NOX3: variants seen among roughly 807,000 people sequenced by gnomAD.
NOX3 encodes NADPH oxidase catalytic subunit-like 3.
Under a neutral mutation model 76.7 loss-of-function variants are expected in NOX3, and 74 were observed. The ratio of observed to expected loss-of-function variants is 0.96; its 90% confidence interval spans 0.80 to 1.17. The LOEUF (loss-of-function observed/expected upper bound fraction) is 1.17. Among genes scored for constraint, NOX3 ranks in the 50% most tolerant of loss-of-function variants. NOX3 has a pLI of 0.00. For missense variants in NOX3, 695 were observed against 703.3 expected, an observed-to-expected ratio of 0.99 and a Z score of 0.13; for synonymous variants, 263 against 261.1, an observed-to-expected ratio of 1.01 and a Z score of -0.07.
intron 11 of NOX3, among the ~76,000 whole-genome samples, chr6:155,409,386 C>A (rs571740298): frequency 8.5e-5 from 13 of 152,240 alleles, no homozygotes; most frequent in Admixed American, 7.8e-4. Flanking sequence ...GGGAGTCAGG[C>A]TGGGAAGGGT....
chr6:155,438,110 G>C (rs1215191716), intron 6 of NOX3, among the ~76,000 whole-genome samples: 20 of 151,950 alleles, frequency 1.3e-4, no homozygotes. Context: ...TATGTTTAGG[G>C]GGGTAAGCAC....
chr6:155,420,052 C>A (rs2114687681), intron 10 of NOX3, among the ~76,000 whole-genome samples: 1 of 151,750 alleles, frequency 6.6e-6, no homozygotes. Context: ...ATGAAGATAT[C>A]CAGAGAAGCT....
intron 5 of NOX3, among the ~76,000 whole-genome samples, chr6:155,441,172 A>G (rs957945481): frequency 6.6e-6 from 1 of 152,190 alleles, no homozygotes. Flanking sequence ...AGTCATTAGT[A>G]TTCATACATT....
intron 7 of NOX3, among the ~76,000 whole-genome samples, chr6:155,433,296 G>A (rs1203856345): frequency 6.6e-6 from 1 of 152,210 alleles, no homozygotes; most frequent in Non-Finnish European, 1.5e-5. Context: ...GGAAGTCAGG[G>A]CCTGAGGGAG....
rs76626688 is a variant in NOX3 at position 155,441,133 on chromosome 6, T to C, written c.487-996A>G. On this transcript the variant is annotated intron_variant, in intron 5 of 13. Coordinates refer to ENST00000159060, the MANE Select transcript of NOX3 (RefSeq NM_015718.3). ...GAATAGCATCACACAGCAGTTTATT[T>C]TCATTGTGAGTTTCCCATGTTCTTG... Among the ~76,000 whole-genome samples, 1,458 of 152,334 alleles carry C rather than the reference T, an allele frequency of 9.6e-3. 29 individuals are homozygous for C. The highest frequency in any genetic ancestry group is 0.033 in the African/African-American group (1,377 of 41,570).
intron 7 of NOX3, among the ~76,000 whole-genome samples, chr6:155,434,636 CAA>C (rs1264624052): frequency 6.6e-6 from 1 of 152,164 alleles, no homozygotes; most frequent in Admixed American, 6.6e-5. Context: ...GAGATATTGG[CAA>C]AGACACTCAG....
intron 7 of NOX3, among the ~76,000 whole-genome samples, chr6:155,431,413 A>AAAACACACACACAC (rs140214056): frequency 5.6e-4 from 81 of 144,730 alleles, no homozygotes; most frequent in Middle Eastern, 3.4e-3. Flanking sequence ...TAAACACAGA[A>AAAACACACACACAC]ACACACACAC....
At chr6:155,419,537 C>T (rs995268458) in intron 10 of NOX3, among the ~76,000 whole-genome samples, 3 of 152,172 alleles carry the variant, frequency 2.0e-5, no homozygotes, top group African/African-American at 7.2e-5. Flanking sequence ...ATTATTTCTG[C>T]CCTTATTTTC....
intron 12 of NOX3, among the ~76,000 whole-genome samples, chr6:155,397,941 T>C (rs1433027172): frequency 6.6e-6 from 1 of 152,348 alleles, no homozygotes; most frequent in East Asian, 1.9e-4. Context: ...TTGCATATAG[T>C]GGCTATCCCA....
At chr6:155,403,031 A>C (rs936530480) in intron 12 of NOX3, among the ~76,000 whole-genome samples, 2 of 152,236 alleles carry the variant, frequency 1.3e-5, no homozygotes, top group Non-Finnish European at 2.9e-5. Context: ...TATCTCTTTA[A>C]TAACCATCCC....
chr6:155,420,120 A>G (rs1776670773), intron 10 of NOX3, among the ~76,000 whole-genome samples: 1 of 152,230 alleles, frequency 6.6e-6, no homozygotes, highest in South Asian at 2.1e-4. Context: ...GAATCTTAAT[A>G]CAGGAAAGAT....
At chr6:155,417,631 G>A (rs1247934330) in intron 10 of NOX3, among the ~76,000 whole-genome samples, 1 of 152,202 alleles carries the variant, frequency 6.6e-6, no homozygotes, top group African/African-American at 2.4e-5. Flanking sequence ...TTGGTGATTA[G>A]TAGAGATGAT....
intron 10 of NOX3, among the ~76,000 whole-genome samples, chr6:155,413,383 T>A (rs1776578637): frequency 6.6e-6 from 1 of 151,526 alleles, no homozygotes; most frequent in Non-Finnish European, 1.5e-5. Context: ...TTGTAGGGCT[T>A]TGGGGCCGTT....
At chr6:155,409,238 A>G (rs1459548826) in intron 11 of NOX3, among the ~76,000 whole-genome samples, 1 of 152,146 alleles carries the variant, frequency 6.6e-6, no homozygotes, top group Non-Finnish European at 1.5e-5. Flanking sequence ...AGAGGGTGTT[A>G]AGTGACACGC....
intron 5 of NOX3, among the ~76,000 whole-genome samples, chr6:155,442,504 G>A (rs535505230): frequency 6.6e-6 from 1 of 152,272 alleles, no homozygotes; most frequent in Admixed American, 6.5e-5. Context: ...ATTGCCTTAC[G>A]GCTTTTCTTG....
At chr6:155,450,880 G>A (rs1777125766) in intron 4 of NOX3, among the ~76,000 whole-genome samples, 1 of 152,110 alleles carries the variant, frequency 6.6e-6, no homozygotes, top group South Asian at 2.1e-4. Flanking sequence ...TAAGGGCTTT[G>A]GATTTGATTT....
At position 155,396,908 on chromosome 6, in the gene NOX3, T is replaced by C; in HGVS notation, c.1635A>G (p.Gln545=). 6.2e-7 allele frequency: 1 copy of C among 1,613,532 alleles called. No homozygotes were observed. Among genetic ancestry groups the C allele is most frequent in the Non-Finnish European group, 8.5e-7 (1 of 1,179,550 alleles). ...CTGATGAATACAAGTGGCACATCTT[T>C]TGAAGTGTCCTCGAGAGAGCTTTAG... The part of the protein sequence containing the change: ...CGPKALSRTL[Q]KMCHLYSSAD... The change falls in exon 13 of 14, where the codon CAA becomes CAG. Residue 545 remains glutamine, a synonymous_variant. Transcript: ENST00000159060.
intron 12 of NOX3, among the ~76,000 whole-genome samples, chr6:155,401,345 A>G (rs1779223294): frequency 6.6e-6 from 1 of 152,182 alleles, no homozygotes; most frequent in South Asian, 2.1e-4. Flanking sequence ...TTTTCCCATG[A>G]AGCTGTAACT....
intron 10 of NOX3, among the ~76,000 whole-genome samples, chr6:155,421,003 T>G (rs2114688396): frequency 6.6e-6 from 1 of 152,304 alleles, no homozygotes; most frequent in Non-Finnish European, 1.5e-5. Flanking sequence ...GAAACTCAGC[T>G]CAGAGAGGTG....
Sources: allele counts gnomAD v4.1 joint callset (sites outside exome capture counted in the v4.1 genomes callset), GRCh38; gene constraint gnomAD v4.1.1; transcripts MANE v1.5; gene names NCBI Gene and HGNC (gene_info 2026-07-23, HGNC 2026-07-21).